The following STX8 variants were observed in gnomAD, a reference collection of about 807,000 sequenced individuals.
STX8 encodes syntaxin 8, also known as syntaxin-8.
In STX8, 23 loss-of-function variants were observed where a neutral mutation model predicts 37.5. The ratio of observed to expected loss-of-function variants is 0.61; its 90% CI spans 0.44 to 0.87. The LOEUF (loss-of-function observed/expected upper bound fraction) is 0.87, where lower values mean the gene tolerates loss of function less well. Ranked by LOEUF, STX8 falls within the 40% of genes least tolerant of loss-of-function variation. The pLI is 0.00. For synonymous variants in STX8, 115 were observed against 99.1 expected, an observed-to-expected ratio of 1.16 and a Z score of -0.95; for missense variants, 313 against 284.7, an observed-to-expected ratio of 1.10 and a Z score of -0.71.
chr17:9,384,734 G>A (rs1911930089), intron 6 of STX8, among the ~76,000 whole-genome samples: 1 of 151,908 alleles, frequency 6.6e-6, no homozygotes, highest in Non-Finnish European at 1.5e-5. Context: ...CTAATCAAGA[G>A]AGTCTGATAT....
chr17:9,291,441 CAAAAAA>C (rs371757156), intron 7 of STX8, among the ~76,000 whole-genome samples: 1 of 85,034 alleles, frequency 1.2e-5, no homozygotes, highest in East Asian at 3.9e-4. Flanking sequence ...GACTCGGTCT[CAAAAAA>C]AAAAAAAAAA....
chr17:9,343,373 T>C (rs1910437461), intron 7 of STX8, among the ~76,000 whole-genome samples: 1 of 152,208 alleles, frequency 6.6e-6, no homozygotes. Context: ...AACAGCCACA[T>C]TGGAGCCATG....
chr17:9,460,973 C>CTT (rs35282673), intron 6 of STX8, among the ~76,000 whole-genome samples: 283 of 143,378 alleles, frequency 2.0e-3, no homozygotes, highest in East Asian at 3.1e-3. Context: ...GTCATCACTG[C>CTT]TTTTTTTTTT....
At chr17:9,471,451 C>T (rs1905864017) in intron 6 of STX8, among the ~76,000 whole-genome samples, 1 of 152,046 alleles carries the variant, frequency 6.6e-6, no homozygotes, top group African/African-American at 2.4e-5. Flanking sequence ...GCGCCCGGCC[C>T]TAACTGCTTT....
intron 5 of STX8, among the ~76,000 whole-genome samples, chr17:9,497,158 A>G (rs114906482): frequency 0.014 from 2,164 of 152,310 alleles, 52 homozygotes; most frequent in African/African-American, 0.049. Flanking sequence ...AAGAAACTGC[A>G]TAGAAGAAAA....
intron 4 of STX8, among the ~76,000 whole-genome samples, chr17:9,521,436 A>T (rs1306626470): frequency 6.6e-6 from 1 of 152,248 alleles, no homozygotes; most frequent in Non-Finnish European, 1.5e-5. Context: ...TTACCTTTCA[A>T]TTTTCAACAC....
At chr17:9,320,219 G>C (rs2036781752) in intron 7 of STX8, among the ~76,000 whole-genome samples, 1 of 151,612 alleles carries the variant, frequency 6.6e-6, no homozygotes, top group Non-Finnish European at 1.5e-5. Flanking sequence ...TGTAATCCCA[G>C]CTACTGGGGA....
At chr17:9,398,608 T>A (rs1912492154) in intron 6 of STX8, among the ~76,000 whole-genome samples, 1 of 152,182 alleles carries the variant, frequency 6.6e-6, no homozygotes, top group Non-Finnish European at 1.5e-5. Context: ...CACAAATATA[T>A]CATGCTAATG....
At chr17:9,442,403 GT>G (rs1904696220) in intron 6 of STX8, among the ~76,000 whole-genome samples, 1 of 152,030 alleles carries the variant, frequency 6.6e-6, no homozygotes, top group African/African-American at 2.4e-5. Context: ...CCAAGCCATA[GT>G]TTCTTTCTTT....
intron 6 of STX8, among the ~76,000 whole-genome samples, chr17:9,488,970 G>A (rs1906731995): frequency 6.6e-6 from 1 of 152,092 alleles, no homozygotes; most frequent in Admixed American, 6.6e-5. Context: ...CCTGCCTCCT[G>A]GGTTCAAGCG....
intron 6 of STX8, among the ~76,000 whole-genome samples, chr17:9,478,740 A>G (rs377345595): frequency 3.9e-5 from 6 of 152,226 alleles, no homozygotes; most frequent in African/African-American, 1.2e-4. Context: ...CACATTATAC[A>G]TTTATGCAGA....
At chr17:9,291,574 T>C (rs1367229814) in intron 7 of STX8, among the ~76,000 whole-genome samples, 1 of 152,192 alleles carries the variant, frequency 6.6e-6, no homozygotes, top group Non-Finnish European at 1.5e-5. Flanking sequence ...TGCTCAAATA[T>C]GGTATTAGTT....
intron 4 of STX8, among the ~76,000 whole-genome samples, chr17:9,543,896 G>A (rs146581046): frequency 6.6e-6 from 1 of 152,238 alleles, no homozygotes; most frequent in Non-Finnish European, 1.5e-5. Flanking sequence ...TTTCTTCATG[G>A]AACCTTGGAT....
chr17:9,490,921 T>C (rs1449536261), intron 6 of STX8, among the ~76,000 whole-genome samples: 1 of 152,148 alleles, frequency 6.6e-6, no homozygotes, highest in Non-Finnish European at 1.5e-5. Context: ...GCCGCCTTCA[T>C]GATGTTGTGT....
At chr17:9,312,781 A>C (rs1163611915) in intron 7 of STX8, among the ~76,000 whole-genome samples, 1 of 152,180 alleles carries the variant, frequency 6.6e-6, no homozygotes, top group Non-Finnish European at 1.5e-5. Context: ...ACAGTTCCAG[A>C]TGTACTAACT....
At chr17:9,543,986 C>G (rs1194123848) in intron 4 of STX8, among the ~76,000 whole-genome samples, 1 of 152,138 alleles carries the variant, frequency 6.6e-6, no homozygotes, top group Admixed American at 6.5e-5. Flanking sequence ...TGTTTGCAAT[C>G]TGGGTTGTAT....
At chr17:9,539,568 C>G (rs1906194212) in intron 4 of STX8, among the ~76,000 whole-genome samples, 1 of 152,148 alleles carries the variant, frequency 6.6e-6, no homozygotes, top group African/African-American at 2.4e-5. Context: ...TTTCAAAGTT[C>G]TGACAAGGCT....
intron 4 of STX8, among the ~76,000 whole-genome samples, chr17:9,532,005 T>A (rs892682612): frequency 3.3e-5 from 5 of 152,218 alleles, no homozygotes; most frequent in African/African-American, 9.6e-5. Flanking sequence ...CTTGACTTGA[T>A]CAATGACATG....
intron 4 of STX8, among the ~76,000 whole-genome samples, chr17:9,512,849 C>G (rs1382121739): frequency 1.3e-5 from 2 of 152,142 alleles, no homozygotes; most frequent in South Asian, 4.1e-4. Context: ...AACCTGGACA[C>G]CCATCTATCA....
Sources: allele counts gnomAD v4.1 joint callset (sites outside exome capture counted in the v4.1 genomes callset), GRCh38; gene constraint gnomAD v4.1.1; transcripts MANE v1.5; gene names NCBI Gene and HGNC (gene_info 2026-07-23, HGNC 2026-07-21).